SLCO5A1: variants seen among roughly 807,000 people sequenced by gnomAD.
The protein encoded by SLCO5A1 is organic anion transporter polypeptide-related protein 4.
Under a neutral mutation model 65.1 loss-of-function variants are expected in SLCO5A1, and 39 were observed. That is an observed-to-expected ratio of 0.60 (90% confidence interval 0.46 to 0.78). The LOEUF is 0.78. Ranked by LOEUF, SLCO5A1 falls within the 30% of genes least tolerant of loss-of-function variation. The pLI is 0.00. For missense variants in SLCO5A1, 1,029 were observed against 1,069.4 expected, an observed-to-expected ratio of 0.96 and a Z score of 0.53; for synonymous variants, 438 against 415.7, an observed-to-expected ratio of 1.05 and a Z score of -0.65.
intron 3 of SLCO5A1, among the ~76,000 whole-genome samples, chr8:69,756,124 T>A (rs1357494359): frequency 6.6e-6 from 1 of 152,172 alleles, no homozygotes; most frequent in Non-Finnish European, 1.5e-5. Flanking sequence ...CTGCAAACAC[T>A]TAAGAATGTA....
At chr8:69,828,708 C>T (rs550749336) in intron 2 of SLCO5A1, among the ~76,000 whole-genome samples, 1 of 152,316 alleles carries the variant, frequency 6.6e-6, no homozygotes, top group East Asian at 1.9e-4. Flanking sequence ...CTTGCACTGG[C>T]GGTATTGCTT....
intron 5 of SLCO5A1, among the ~76,000 whole-genome samples, chr8:69,716,555 A>C (rs1408355356): frequency 6.6e-6 from 1 of 152,182 alleles, no homozygotes; most frequent in Non-Finnish European, 1.5e-5. Context: ...TTTGATTTGC[A>C]TATCCGTGAT....
At chr8:69,675,602 A>G (rs1813516091) in intron 9 of SLCO5A1, among the ~76,000 whole-genome samples, 1 of 152,164 alleles carries the variant, frequency 6.6e-6, no homozygotes, top group Non-Finnish European at 1.5e-5. Context: ...AAATGGAACT[A>G]GAAGCATTTT....
intron 2 of SLCO5A1, among the ~76,000 whole-genome samples, chr8:69,762,796 G>A (rs1409234343): frequency 6.6e-6 from 1 of 152,164 alleles, no homozygotes; most frequent in Non-Finnish European, 1.5e-5. Flanking sequence ...TAAATAAGAT[G>A]TTACAATGCA....
intron 2 of SLCO5A1, among the ~76,000 whole-genome samples, chr8:69,815,042 AG>A (rs1820346162): frequency 6.6e-6 from 1 of 152,220 alleles, no homozygotes; most frequent in Non-Finnish European, 1.5e-5. Context: ...GATGATTAAA[AG>A]GGTACAAAAT....
chr8:69,807,779 C>T lies in SLCO5A1; in HGVS notation c.907+23988G>A, dbSNP rs75068006. ...GGAGCAGTGGTGCGATCTCGGCTCA[C>T]TGCAAACTCTGCCTCCCGGGTTCAT... On this transcript the variant is annotated intron_variant, in intron 2 of 9. Transcript: ENST00000260126. 4.0e-3 allele frequency among the ~76,000 whole-genome samples: 608 copies of T among 152,360 alleles called. 5 individuals carry two copies. The highest frequency in any genetic ancestry group is 0.023 in the South Asian group (109 of 4,832).
At chr8:69,730,521 C>T (rs1816286312) in intron 5 of SLCO5A1, among the ~76,000 whole-genome samples, 1 of 152,132 alleles carries the variant, frequency 6.6e-6, no homozygotes, top group Non-Finnish European at 1.5e-5. Context: ...ACCTTATGTA[C>T]TGCGAAAGCC....
intron 5 of SLCO5A1, among the ~76,000 whole-genome samples, chr8:69,711,146 T>TA (rs1815229989): frequency 6.6e-6 from 1 of 151,876 alleles, no homozygotes; most frequent in Non-Finnish European, 1.5e-5. Flanking sequence ...GCCCACTCCC[T>TA]ATTGGGGGTG....
At chr8:69,779,288 A>C (rs201361376) in intron 2 of SLCO5A1, among the ~76,000 whole-genome samples, 48 of 152,166 alleles carry the variant, frequency 3.2e-4, no homozygotes, top group East Asian at 3.8e-4. Context: ...GTATGGGTAA[A>C]TTTTTATTTA....
At chr8:69,768,439 T>A (rs942639261) in intron 2 of SLCO5A1, among the ~76,000 whole-genome samples, 2 of 152,172 alleles carry the variant, frequency 1.3e-5, no homozygotes, top group African/African-American at 2.4e-5. Context: ...TAGACTTATA[T>A]AGATTTAGAC....
chr8:69,725,922 T>G (rs900927362), intron 5 of SLCO5A1, among the ~76,000 whole-genome samples: 1 of 152,194 alleles, frequency 6.6e-6, no homozygotes, highest in Non-Finnish European at 1.5e-5. Context: ...GTGAACAACA[T>G]ATAATATTTT....
intron 2 of SLCO5A1, among the ~76,000 whole-genome samples, chr8:69,771,757 G>T (rs1818331801): frequency 6.6e-6 from 1 of 152,206 alleles, no homozygotes; most frequent in Non-Finnish European, 1.5e-5. Context: ...AGCCTAAGAG[G>T]CTTAGAGTTA....
intron 2 of SLCO5A1, among the ~76,000 whole-genome samples, chr8:69,780,587 G>T (rs1172578244): frequency 6.6e-6 from 1 of 152,138 alleles, no homozygotes; most frequent in African/African-American, 2.4e-5. Context: ...CTTACAAATG[G>T]GAGCTAAATA....
At chr8:69,784,027 T>A (rs1485601098) in intron 2 of SLCO5A1, among the ~76,000 whole-genome samples, 1 of 152,196 alleles carries the variant, frequency 6.6e-6, no homozygotes, top group African/African-American at 2.4e-5. Context: ...TCTTTGTACC[T>A]TTCTCTCAAT....
At chr8:69,823,205 T>C (rs1820723253) in intron 2 of SLCO5A1, among the ~76,000 whole-genome samples, 1 of 152,184 alleles carries the variant, frequency 6.6e-6, no homozygotes, top group African/African-American at 2.4e-5. Context: ...AGGAAAAAAC[T>C]GCATCAACTA....
At chr8:69,677,518 G>A (rs1003739661) in intron 8 of SLCO5A1, among the ~76,000 whole-genome samples, 2 of 152,210 alleles carry the variant, frequency 1.3e-5, no homozygotes, top group Non-Finnish European at 2.9e-5. Context: ...ATACCCATGA[G>A]AGTATGGTAT....
intron 2 of SLCO5A1, among the ~76,000 whole-genome samples, chr8:69,812,846 G>T (rs771197026): frequency 6.6e-6 from 1 of 152,186 alleles, no homozygotes; most frequent in Non-Finnish European, 1.5e-5. Context: ...TTAGATTTAT[G>T]TATATCTTTA....
At chr8:69,688,601 C>A (rs1449659594) in intron 6 of SLCO5A1, among the ~76,000 whole-genome samples, 1 of 151,092 alleles carries the variant, frequency 6.6e-6, no homozygotes, top group Non-Finnish European at 1.5e-5. Context: ...GTTTTTTTGT[C>A]CTTGCGATAG....
chr8:69,749,022 G>T (rs1419004813), intron 4 of SLCO5A1, among the ~76,000 whole-genome samples: 1 of 152,192 alleles, frequency 6.6e-6, no homozygotes, highest in Non-Finnish European at 1.5e-5. Context: ...AAATTAAAGT[G>T]CTATTTAGCA....
Sources: gnomAD v4.1 joint callset for allele counts (sites outside exome capture counted in the v4.1 genomes callset) on GRCh38, gnomAD v4.1.1 for gene constraint, MANE v1.5 for transcripts, NCBI Gene and HGNC (gene_info 2026-07-23, HGNC 2026-07-21) for gene names.